The following ADGRL2 variants were observed in gnomAD, a reference collection of about 807,000 sequenced individuals.
ADGRL2 encodes the protein adhesion G protein-coupled receptor L2, also known as calcium-independent alpha-latrotoxin receptor 2.
Under a neutral mutation model 157.4 loss-of-function variants are expected in ADGRL2, and 44 were observed. That is an observed-to-expected ratio of 0.28 (90% CI 0.22 to 0.36). The LOEUF is 0.36. Ranked by LOEUF, ADGRL2 falls within the 10% of genes least tolerant of loss-of-function variation. The probability of loss-of-function intolerance (pLI) is 1.00; values close to 1 mark genes in which losing one functional copy is unlikely to be tolerated. For missense variants in ADGRL2, 1,510 were observed against 1,768.9 expected, an observed-to-expected ratio of 0.85 and a Z score of 2.63; for synonymous variants, 585 against 624.7, an observed-to-expected ratio of 0.94 and a Z score of 0.95.
intron 2 of ADGRL2, among the ~76,000 whole-genome samples, chr1:81,555,856 C>G (rs2080262317): frequency 6.6e-6 from 1 of 152,114 alleles, no homozygotes; most frequent in African/African-American, 2.4e-5. Context: ...AAGGGATGAT[C>G]AGAGCAAGCT....
chr1:81,742,599 A>G (rs1449493694), intron 1 of ADGRL2, among the ~76,000 whole-genome samples: 1 of 152,006 alleles, frequency 6.6e-6, no homozygotes, highest in Non-Finnish European at 1.5e-5. Context: ...GAATGCAACG[A>G]AAGAACTGAA....
intron 2 of ADGRL2, among the ~76,000 whole-genome samples, chr1:81,864,631 C>T (rs1159324637): frequency 1.3e-5 from 2 of 152,082 alleles, no homozygotes; most frequent in South Asian, 2.1e-4. Context: ...AATTTCCCCA[C>T]CTCCTTGGAT....
intron 1 of ADGRL2, among the ~76,000 whole-genome samples, chr1:81,712,997 A>G (rs1284705902): frequency 6.6e-6 from 1 of 152,014 alleles, no homozygotes; most frequent in Admixed American, 6.6e-5. Context: ...ACCTCAGGTG[A>G]TCCGCCCATC....
At chr1:81,410,791 T>C (rs1253370602) in intron 1 of ADGRL2, among the ~76,000 whole-genome samples, 2 of 152,206 alleles carry the variant, frequency 1.3e-5, no homozygotes, top group Non-Finnish European at 2.9e-5. Context: ...TAAAAATAAT[T>C]CCAGGAAAAG....
At chr1:81,880,624 G>A (rs978919424) in intron 2 of ADGRL2, among the ~76,000 whole-genome samples, 1 of 152,026 alleles carries the variant, frequency 6.6e-6, no homozygotes, top group Admixed American at 6.6e-5. Context: ...GATGGGGCTG[G>A]GTTTTCTATT....
intron 3 of ADGRL2, among the ~76,000 whole-genome samples, chr1:81,672,906 G>C (rs527471373): frequency 6.6e-6 from 1 of 152,202 alleles, no homozygotes; most frequent in East Asian, 1.9e-4. Context: ...TTGAAAACAT[G>C]TGAAAGTTGA....
chr1:81,619,086 G>A (rs2081730359), intron 3 of ADGRL2, among the ~76,000 whole-genome samples: 1 of 152,156 alleles, frequency 6.6e-6, no homozygotes, highest in Admixed American at 6.5e-5. Context: ...CACAGAATAA[G>A]CAATTTGGTC....
At chr1:81,379,223 T>C (rs1346250939) in intron 1 of ADGRL2, among the ~76,000 whole-genome samples, 2 of 152,128 alleles carry the variant, frequency 1.3e-5, no homozygotes, top group African/African-American at 4.8e-5. Flanking sequence ...TGTGGCTCGC[T>C]TCTTCAGTGC....
intron 2 of ADGRL2, among the ~76,000 whole-genome samples, chr1:81,549,225 G>A (rs529133945): frequency 1.4e-3 from 217 of 152,296 alleles, no homozygotes; most frequent in Non-Finnish European, 2.6e-3. Context: ...AATGGATGAC[G>A]TTTGTAACTC....
At chr1:81,768,556 C>T (rs898189976) in intron 2 of ADGRL2, among the ~76,000 whole-genome samples, 5 of 151,676 alleles carry the variant, frequency 3.3e-5, no homozygotes, top group South Asian at 2.1e-4. Context: ...TCACTTCAGC[C>T]TCAATTTCCA....
intron 1 of ADGRL2, among the ~76,000 whole-genome samples, chr1:81,760,497 T>C (rs2085840052): frequency 6.6e-6 from 1 of 152,106 alleles, no homozygotes; most frequent in East Asian, 1.9e-4. Flanking sequence ...TGGTGTCTAA[T>C]TTGAATGTTC....
At chr1:81,649,906 T>G (rs1404237385) in intron 3 of ADGRL2, among the ~76,000 whole-genome samples, 4 of 152,218 alleles carry the variant, frequency 2.6e-5, no homozygotes, top group Non-Finnish European at 5.9e-5. Context: ...TGTCTTAATC[T>G]TTCTAAAACT....
At chr1:81,548,434 G>A (rs984038645) in intron 2 of ADGRL2, among the ~76,000 whole-genome samples, 10 of 151,458 alleles carry the variant, frequency 6.6e-5, no homozygotes, top group African/African-American at 2.2e-4. Context: ...AATTGTGAGC[G>A]CTTCAGTATG....
chr1:81,337,150 C>T (rs1661704406), intron 1 of ADGRL2, among the ~76,000 whole-genome samples: 1 of 152,150 alleles, frequency 6.6e-6, no homozygotes, highest in Admixed American at 6.5e-5. Flanking sequence ...TCCCACCTTC[C>T]AACAGCACTA....
intron 1 of ADGRL2, among the ~76,000 whole-genome samples, chr1:81,385,364 A>G (rs757623506): frequency 6.6e-6 from 1 of 152,160 alleles, no homozygotes; most frequent in Non-Finnish European, 1.5e-5. Context: ...CAAAGGCTGC[A>G]TAAAATGAGG....
chr1:81,785,623 G>A (rs564125507), intron 2 of ADGRL2, among the ~76,000 whole-genome samples: 5 of 151,992 alleles, frequency 3.3e-5, no homozygotes, highest in Non-Finnish European at 5.9e-5. Flanking sequence ...AGCTACTCAG[G>A]CAGCGAAGGC....
chr1:81,713,440 G>T (rs2084004939), intron 1 of ADGRL2, among the ~76,000 whole-genome samples: 1 of 152,176 alleles, frequency 6.6e-6, no homozygotes, highest in South Asian at 2.1e-4. Flanking sequence ...GGTTAGAAGG[G>T]AAGAAACGAT....
chr1:81,680,391 G>A (rs1036721313), intron 3 of ADGRL2, among the ~76,000 whole-genome samples: 5 of 152,102 alleles, frequency 3.3e-5, no homozygotes, highest in Non-Finnish European at 7.3e-5. Context: ...TTTCATAGGC[G>A]GTTCAGATAC....
chr1:81,989,894 T>C, intron 23 of ADGRL2: 14 of 985,434 alleles, frequency 1.4e-5, no homozygotes, highest in Non-Finnish European at 1.7e-5. Flanking sequence ...AAAAGTTGCT[T>C]GCCAGTTATG....
Sources: gnomAD v4.1 joint callset for allele counts (sites outside exome capture counted in the v4.1 genomes callset) on GRCh38, gnomAD v4.1.1 for gene constraint, MANE v1.5 for transcripts, NCBI Gene and HGNC (gene_info 2026-07-23, HGNC 2026-07-21) for gene names.